Variants in CACNB4 observed in about 807,000 individuals in gnomAD.
The protein encoded by CACNB4 is calcium voltage-gated channel auxiliary subunit beta 4.
Under a neutral mutation model 71.2 loss-of-function variants are expected in CACNB4, and 32 were observed. The ratio of observed to expected loss-of-function variants is 0.45; its 90% CI spans 0.34 to 0.60. The LOEUF (loss-of-function observed/expected upper bound fraction) is 0.60, where lower values mean the gene tolerates loss of function less well. Among genes scored for constraint, CACNB4 ranks in the 20% least tolerant of loss-of-function variants. CACNB4 has a pLI of 0.01. For missense variants in CACNB4, 464 were observed against 647.9 expected (o/e 0.72, Z 3.08); for synonymous variants, 231 against 236.9 (o/e 0.97, Z 0.23).
intron 2 of CACNB4, among the ~76,000 whole-genome samples, chr2:151,961,689 G>C (rs1346807992): frequency 6.6e-6 from 1 of 152,018 alleles, no homozygotes; most frequent in Non-Finnish European, 1.5e-5. Flanking sequence ...CCAGGAGTAC[G>C]AGATCAGCCT....
At chr2:151,909,941 C>T (rs934118625) in intron 2 of CACNB4, among the ~76,000 whole-genome samples, 17 of 152,134 alleles carry the variant, frequency 1.1e-4, no homozygotes, top group Non-Finnish European at 5.9e-5. Context: ...GGTTCTAGAT[C>T]CTTGAGGAAT....
intron 2 of CACNB4, among the ~76,000 whole-genome samples, chr2:151,996,640 T>A (rs547721146): frequency 1.6e-4 from 24 of 152,184 alleles, no homozygotes; most frequent in African/African-American, 5.8e-4. Context: ...TAGCCCAATA[T>A]CCCCTCCTGT....
In CACNB4 at chr2:151,927,575, T is replaced by G. The variant is rs143427973; in HGVS notation, c.148-44205A>C. On this transcript the variant is annotated intron_variant, in intron 2 of 13. Coordinates refer to ENST00000539935, the MANE Select transcript of CACNB4 (RefSeq NM_000726.5). ...GCAGAAGGTATGAACAAATTGGTTG[T>G]CTAGAAAAGTAGCACAGTGAATGGA... is the stretch of plus-strand genomic sequence containing the variant. 1.6e-4 allele frequency among the ~76,000 whole-genome samples: 25 copies of G among 152,288 alleles called. No individual in the cohort carries two copies. In the East Asian group the frequency reaches 4.2e-3, roughly 26 times the overall value.
chr2:152,090,599 C>T (rs377742364), intron 2 of CACNB4, among the ~76,000 whole-genome samples: 12 of 148,970 alleles, frequency 8.1e-5, no homozygotes, highest in Admixed American at 6.7e-4. Flanking sequence ...GCCAAGATCG[C>T]GCCACTGCAC....
At chr2:152,068,475 A>C (rs1686473195) in intron 2 of CACNB4, among the ~76,000 whole-genome samples, 1 of 152,228 alleles carries the variant, frequency 6.6e-6, no homozygotes, top group African/African-American at 2.4e-5. Flanking sequence ...AATATGTATC[A>C]GTGGGAACCA....
At chr2:152,048,564 T>C (rs2105280304) in intron 2 of CACNB4, 1 of 152,384 alleles carries the variant, frequency 6.6e-6, no homozygotes, top group East Asian at 1.9e-4. Context: ...GAGCTAGCAC[T>C]TTGTTGGCCA....
intron 2 of CACNB4, among the ~76,000 whole-genome samples, chr2:152,025,383 C>T (rs1683906698): frequency 6.6e-6 from 1 of 152,236 alleles, no homozygotes; most frequent in Non-Finnish European, 1.5e-5. Flanking sequence ...AAGACAACGA[C>T]ATTTTCTCTC....
At chr2:151,853,296 A>G (rs13397345) in intron 12 of CACNB4, 152 bp downstream of exon 12, 66,395 of 554,862 alleles carry the variant, frequency 0.12, 4,488 homozygotes, top group African/African-American at 0.2. Flanking sequence ...TACAAGCAAC[A>G]TAACAGCAGC....
At chr2:152,021,472 C>G (rs547717353) in intron 2 of CACNB4, among the ~76,000 whole-genome samples, 71 of 152,286 alleles carry the variant, frequency 4.7e-4, no homozygotes, top group Admixed American at 1.8e-3. Context: ...ATATTCATTG[C>G]ATCAACCCAT....
chr2:152,033,295 C>T (rs184571650), intron 2 of CACNB4, among the ~76,000 whole-genome samples: 1 of 152,192 alleles, frequency 6.6e-6, no homozygotes, highest in Admixed American at 6.5e-5. Context: ...ATTAAATCCC[C>T]GCTTGGTGGT....
chr2:151,893,724 T>C (rs754961563), intron 2 of CACNB4, among the ~76,000 whole-genome samples: 27 of 152,122 alleles, frequency 1.8e-4, no homozygotes, highest in Non-Finnish European at 3.1e-4. Context: ...AAAGAAAAGA[T>C]TGATAAATCT....
At chr2:151,993,369 G>A (rs1194540042) in intron 2 of CACNB4, among the ~76,000 whole-genome samples, 3 of 152,042 alleles carry the variant, frequency 2.0e-5, no homozygotes, top group Non-Finnish European at 2.9e-5. Context: ...GATATTCATG[G>A]TAGCCAATGA....
chr2:152,005,666 A>C (rs1682683791), intron 2 of CACNB4, among the ~76,000 whole-genome samples: 1 of 152,232 alleles, frequency 6.6e-6, no homozygotes, highest in African/African-American at 2.4e-5. Flanking sequence ...ATCTACAATA[A>C]AAATGGAAAC....
At chr2:151,994,617 T>C (rs914783720) in intron 2 of CACNB4, among the ~76,000 whole-genome samples, 1 of 152,106 alleles carries the variant, frequency 6.6e-6, no homozygotes, top group African/African-American at 2.4e-5. Context: ...GTTCAAGCAA[T>C]TCTCGTGCCT....
At chr2:152,054,945 A>G (rs1685648027) in intron 2 of CACNB4, among the ~76,000 whole-genome samples, 1 of 152,158 alleles carries the variant, frequency 6.6e-6, no homozygotes, top group African/African-American at 2.4e-5. Context: ...AAAGTTCTTT[A>G]TATATCCTAG....
Position 151,883,331 on chromosome 2 carries a change from C to T in CACNB4, c.187G>A (p.Asp63Asn), listed in dbSNP as rs886054969. 1.2e-6 allele frequency: 2 copies of T among 1,613,626 alleles called. No individual in the cohort carries two copies. Among genetic ancestry groups the T allele is most frequent in the Non-Finnish European group, 1.7e-6 (2 of 1,179,702 alleles). Residue 63 changes from aspartate to asparagine, a missense_variant, in exon 3 of 14, where the codon GAT (aspartate) becomes AAT (asparagine). This residue lies in a region of CACNB4 where 299 missense variants were observed against 471.7 expected (regional missense o/e 0.63). Coordinates refer to ENST00000539935, the MANE Select transcript of CACNB4 (RefSeq NM_000726.5). ...TCCCGGTCCTCTTCCAAAGAGACAT[C>T]GGAGTCAGACGGCCTGCTTGTGTAG... The part of the protein sequence containing the change: ...DSYTSRPSDS[D>N]VSLEEDREAI...
intron 2 of CACNB4, among the ~76,000 whole-genome samples, chr2:151,892,331 T>G (rs916408950): frequency 7.3e-5 from 11 of 151,694 alleles, no homozygotes; most frequent in African/African-American, 2.2e-4. Flanking sequence ...GATATATGTT[T>G]CCCCTAAAAG....
rs139757347 is a variant in CACNB4 at position 151,896,175 on chromosome 2, T to C, written c.148-12805A>G. Reference sequence around the variant, plus strand: ...GTGTTCTTTCAAAAAGAATATTTCCTGTGAGAGGCCCAGGGGCCCCAACAG... The same window carrying C: ...GTGTTCTTTCAAAAAGAATATTTCCCGTGAGAGGCCCAGGGGCCCCAACAG... On this transcript the variant is annotated intron_variant, in intron 2 of 13. Coordinates refer to ENST00000539935, the MANE Select transcript of CACNB4 (RefSeq NM_000726.5). Among the ~76,000 whole-genome samples, 651 of 152,338 alleles carry C rather than the reference T, an allele frequency of 4.3e-3. 7 individuals are homozygous for C. The highest frequency in any genetic ancestry group is 0.015 in the African/African-American group (629 of 41,570).
chr2:151,881,031 G>T, intron 3 of CACNB4, 109 bp from the exon 4 acceptor site: 1 of 1,073,738 alleles, frequency 9.3e-7, no homozygotes. Context: ...TCCAAAGAGG[G>T]ATCTCAAATG....
Sources: allele counts gnomAD v4.1 joint callset (sites outside exome capture counted in the v4.1 genomes callset), GRCh38; gene constraint gnomAD v4.1.1; regional missense constraint gnomAD v4.1.1; transcripts MANE v1.5; gene names NCBI Gene and HGNC (gene_info 2026-07-23, HGNC 2026-07-21).